The following TSC22D3 variants were observed in gnomAD, a reference collection of about 807,000 sequenced individuals.
TSC22D3 encodes the protein TSC22 domain family protein 3.
A neutral mutation model predicts 11.1 loss-of-function variants in TSC22D3; 4 were observed. The observed-to-expected ratio is 0.36, with a 90% CI of 0.18 to 0.83. The LOEUF is 0.83. Among genes scored for constraint, TSC22D3 ranks in the 40% least tolerant of loss-of-function variants. The pLI is 0.48. For synonymous variants in TSC22D3, 77 were observed against 70.3 expected, an observed-to-expected ratio of 1.10 and a Z score of -0.48; for missense variants, 118 against 159.4, an observed-to-expected ratio of 0.74 and a Z score of 1.40.
intron 1 of TSC22D3, among the ~76,000 whole-genome samples, chrX:107,748,484 C>G (rs942271075): frequency 1.3e-4 from 15 of 111,700 alleles, no homozygotes; most frequent in Middle Eastern, 4.7e-3. Context: ...GTCAGCCCTT[C>G]CCAAAGTTCC....
intron 1 of TSC22D3, among the ~76,000 whole-genome samples, chrX:107,734,879 A>T (rs1928055647): frequency 4.8e-5 from 1 of 21,049 alleles, no homozygotes; most frequent in Admixed American, 4.7e-4. Context: ...AACTCTACGT[A>T]AAAAAAAAAA....
chrX:107,767,759 G>A (rs767030201), intron 1 of TSC22D3, among the ~76,000 whole-genome samples: 1 of 112,251 alleles, frequency 8.9e-6, no homozygotes, highest in East Asian at 2.8e-4. Context: ...CTAGCCCATG[G>A]GGTTCTGTGG....
At chrX:107,754,374 T>C (rs1929077992) in intron 1 of TSC22D3, among the ~76,000 whole-genome samples, 1 of 111,857 alleles carries the variant, frequency 8.9e-6, no homozygotes, top group Non-Finnish European at 1.9e-5. Flanking sequence ...TAATTTATTT[T>C]TGAAAAAACT....
chrX:107,755,335 A>G (rs1475169682), intron 1 of TSC22D3, among the ~76,000 whole-genome samples: 2 of 112,007 alleles, frequency 1.8e-5, no homozygotes, highest in Non-Finnish European at 3.8e-5. Context: ...GTGTTTGAAG[A>G]TCAACTGTCT....
At chrX:107,734,864 T>C (rs1194600229) in intron 1 of TSC22D3, among the ~76,000 whole-genome samples, 1 of 84,036 alleles carries the variant, frequency 1.2e-5, no homozygotes, top group East Asian at 3.2e-4. Flanking sequence ...TTATCTATTG[T>C]TCACAACTCT....
intron 1 of TSC22D3, among the ~76,000 whole-genome samples, chrX:107,742,340 G>C: frequency 1.0e-5 from 1 of 96,665 alleles, no homozygotes; most frequent in African/African-American, 3.9e-5. Context: ...CGCGCGCGCG[G>C]TGTTTAGGAA....
In TSC22D3 at chrX:107,714,761, G is replaced by A. The variant is rs1926921170; in HGVS notation, c.373-12C>T. On this transcript the variant is annotated splice_polypyrimidine_tract_variant and intron_variant, in intron 2 of 2. Coordinates refer to ENST00000372383, the MANE Select transcript of TSC22D3 (RefSeq NM_198057.3). Reference sequence around the variant, plus strand: ...TTCTTCACCAGATCCTGCCAATGAGGGAATCATAACAAAGCCATTCCTTAG... The same window carrying A: ...TTCTTCACCAGATCCTGCCAATGAGAGAATCATAACAAAGCCATTCCTTAG... 3.3e-6 allele frequency: 4 copies of A among 1,202,181 alleles called. No individual in the cohort carries two copies. The highest frequency in any genetic ancestry group is 5.9e-5 in the East Asian group (2 of 33,723).
chrX:107,750,646 C>A (rs1004573186), intron 1 of TSC22D3, among the ~76,000 whole-genome samples: 1 of 110,888 alleles, frequency 9.0e-6, no homozygotes, highest in Non-Finnish European at 1.9e-5. Flanking sequence ...GAAGCACTTG[C>A]CCCATTTTCC....
At chrX:107,722,018 G>A (rs1408747380) in intron 1 of TSC22D3, 1 of 359,604 alleles carries the variant, frequency 2.8e-6, no homozygotes, top group Non-Finnish European at 5.0e-6. Flanking sequence ...AGTTACTTTG[G>A]TTTCATGGAA....
intron 1 of TSC22D3, among the ~76,000 whole-genome samples, chrX:107,753,210 C>A (rs1263027367): frequency 9.0e-6 from 1 of 110,634 alleles, no homozygotes; most frequent in Non-Finnish European, 1.9e-5. Flanking sequence ...GCTTGCTGAG[C>A]CAGAGAGGAG....
intron 1 of TSC22D3, among the ~76,000 whole-genome samples, chrX:107,718,070 A>G (rs1927146716): frequency 8.9e-6 from 1 of 112,332 alleles, no homozygotes; most frequent in South Asian, 3.7e-4. Context: ...CATTAGAGGT[A>G]CTTCAGGAAA....
intron 1 of TSC22D3, among the ~76,000 whole-genome samples, chrX:107,731,613 C>T (rs1927884928): frequency 1.8e-5 from 2 of 111,584 alleles, no homozygotes; most frequent in Admixed American, 1.9e-4. Context: ...GCAAGAATGA[C>T]TTCTAAGGTG....
intron 1 of TSC22D3, among the ~76,000 whole-genome samples, chrX:107,743,275 C>G (rs1417606069): frequency 1.8e-5 from 2 of 112,019 alleles, no homozygotes; most frequent in African/African-American, 6.5e-5. Context: ...CCCCCATACC[C>G]CCAACAAAAG....
At chrX:107,720,550 G>A (rs752458500) in intron 1 of TSC22D3, among the ~76,000 whole-genome samples, 4 of 110,962 alleles carry the variant, frequency 3.6e-5, no homozygotes, top group Non-Finnish European at 5.7e-5. Context: ...AAAATTAGCC[G>A]GGCATGGTGG....
chrX:107,751,910 C>T (rs914562739), intron 1 of TSC22D3, among the ~76,000 whole-genome samples: 1 of 112,610 alleles, frequency 8.9e-6, no homozygotes, highest in South Asian at 3.7e-4. Flanking sequence ...TTTGCTTACT[C>T]CTTTTGAAGG....
Position 107,735,699 on chromosome X carries a change from C to T in TSC22D3, c.321-19749G>A, listed in dbSNP as rs762291340. Among the ~76,000 whole-genome samples the T allele has an allele frequency of 5.5e-5, 6 of 109,628 alleles. No homozygotes were observed. In the East Asian group the frequency reaches 8.6e-4, roughly 16 times the overall value. On this transcript the variant is annotated intron_variant, in intron 1 of 2. Transcript: ENST00000372383. ...TGACCTTGCCTTGCTTTTTCCTTCC[C>T]CTTCTCCTTCTTCCCCTCAGCACCC...
intron 1 of TSC22D3, among the ~76,000 whole-genome samples, chrX:107,759,112 C>T (rs1312628345): frequency 2.7e-5 from 3 of 111,059 alleles, no homozygotes; most frequent in East Asian, 2.8e-4. Flanking sequence ...GTGGTCCACC[C>T]GCCTTGGCCT....
rs771620581 is a variant in TSC22D3 at position 107,714,563 on chromosome X, C to T, written c.559G>A (p.Glu187Lys). ...GGGGCCTCGGGCACTTGTGGGGATT[C>T]GGGAGCTGGCTCTTCAGGGCTCAGA... The part of the protein sequence containing the change: ...SCLSPEEPAP[E>K]SPQVPEAPGG... Residue 187 changes from glutamate (E) to lysine (K), a missense_variant, in exon 3 of 3, where the codon GAA becomes AAA. Coordinates refer to ENST00000372383, the MANE Select transcript of TSC22D3 (RefSeq NM_198057.3). 106 of 1,209,725 alleles carry T rather than the reference C, an allele frequency of 8.8e-5. 1 individual carries two copies. In the South Asian group the frequency reaches 1.4e-3, roughly 16 times the overall value.
intron 1 of TSC22D3, among the ~76,000 whole-genome samples, chrX:107,736,912 T>C (rs1366361447): frequency 1.8e-5 from 2 of 111,894 alleles, no homozygotes; most frequent in African/African-American, 3.3e-5. Flanking sequence ...GATAAAGTCA[T>C]AGCCTCTCCA....
Sources: allele counts gnomAD v4.1 joint callset (sites outside exome capture counted in the v4.1 genomes callset), GRCh38; gene constraint gnomAD v4.1.1; transcripts MANE v1.5; gene names NCBI Gene and HGNC (gene_info 2026-07-23, HGNC 2026-07-21).